Variants in SSR3 observed in about 807,000 individuals in gnomAD.
SSR3 encodes translocon-associated protein subunit gamma.
Under a neutral mutation model 22.1 loss-of-function variants are expected in SSR3, and 10 were observed. The ratio of observed to expected loss-of-function variants is 0.45; its 90% confidence interval spans 0.28 to 0.77. The LOEUF (loss-of-function observed/expected upper bound fraction) is 0.77. Among genes scored for constraint, SSR3 ranks in the 30% least tolerant of loss-of-function variants. The probability of loss-of-function intolerance (pLI) is 0.13; values close to 1 mark genes in which losing one functional copy is unlikely to be tolerated. For missense variants in SSR3, 181 were observed against 220.5 expected (o/e 0.82, Z 1.13); for synonymous variants, 104 against 82.5 (o/e 1.26, Z -1.42).
In SSR3 at chr3:156,543,052, A is replaced by G; in HGVS notation, c.*151T>C. 1.9e-6 allele frequency: 1 copy of G among 515,382 alleles called. No individual in the cohort carries two copies. Among genetic ancestry groups the G allele is most frequent in the African/African-American group, 1.9e-5 (1 of 52,680 alleles). 31.9% of individuals were successfully genotyped at this position (515,382 alleles called of 1,614,324 possible). On this transcript the variant is annotated 3_prime_UTR_variant, in exon 5 of 5. Coordinates refer to ENST00000265044, the MANE Select transcript of SSR3 (RefSeq NM_007107.5). ...TCAACAATCTGTCAAAAAACAGCCA[A>G]TAAACAAATACTGAATTACATTCTG...
chr3:156,551,277 G>A (rs562256859), intron 2 of SSR3: 1 of 151,852 alleles, frequency 6.6e-6, no homozygotes, highest in African/African-American at 2.4e-5. Context: ...GAAAGGAAAA[G>A]GTAAAAAGAA....
chr3:156,543,909 T>TA (rs1294866493), intron 4 of SSR3: 4 of 195,734 alleles, frequency 2.0e-5, no homozygotes, highest in Admixed American at 6.0e-5. Flanking sequence ...GAAACACTAT[T>TA]AAGATACACT....
rs1430288662 is a variant in SSR3 at position 156,553,040 on chromosome 3, T to A, written c.260+615A>T. Among the ~76,000 whole-genome samples, 213 of 136,564 alleles carry A rather than the reference T, an allele frequency of 1.6e-3. 2 individuals carry two copies. In the Middle Eastern group the frequency reaches 0.022, roughly 14 times the overall value. The allele number at this position is 136,564 out of a possible 152,430, so 89.6% of individuals were successfully genotyped here. ...ATTAGCATTGAAAATGACAGAGAGT[T>A]AAAAAAAAAAAAAAGCAATAAAATA... On this transcript the variant is annotated intron_variant, in intron 2 of 4. Transcript: ENST00000265044.
chr3:156,548,570 A>G (rs1164191586), intron 3 of SSR3, among the ~76,000 whole-genome samples: 1 of 152,226 alleles, frequency 6.6e-6, no homozygotes, highest in East Asian at 1.9e-4. Context: ...CTGTGTTCTT[A>G]TCATGGATCT....
At position 156,541,417 on chromosome 3, in the gene SSR3, GTTTT is replaced by G. The variant is rs1182629116; in HGVS notation, c.*1782_*1785del. 1.3e-5 allele frequency: 2 copies of G among 151,898 alleles called. No individual in the cohort carries two copies. Among genetic ancestry groups the G allele is most frequent in the South Asian group, 2.1e-4 (1 of 4,804 alleles). 9.4% of individuals were successfully genotyped at this position (151,898 alleles called of 1,614,324 possible). ...ACCAACAGTAAAGAAAACTTTTTGG[GTTTT>G]TTTGTTTCTTTTTTGAGATGGAGTC... On this transcript the variant is annotated 3_prime_UTR_variant, in exon 5 of 5. Transcript: ENST00000265044.
chr3:156,553,783 T>C lies in SSR3; in HGVS notation c.134-2A>G. The C allele has an allele frequency of 6.3e-7, 1 of 1,585,344 alleles. No individual in the cohort carries two copies. Among genetic ancestry groups the C allele is most frequent in the Non-Finnish European group, 8.6e-7 (1 of 1,168,290 alleles). ...TATGCCATATTCGCCAGTATAACCC[T>C]GAATTAAAATAAAAGGGGGAAGGGT... On this transcript the variant is annotated splice_acceptor_variant, in intron 1 of 4. Transcript: ENST00000265044. LOFTEE classifies it high-confidence loss of function.
intron 4 of SSR3, 87 bp from the exon 5 acceptor site, chr3:156,543,356 T>C: frequency 2.1e-6 from 2 of 956,020 alleles, no homozygotes; most frequent in Non-Finnish European, 3.3e-6. Context: ...TGGAATGTAC[T>C]GCTTCCTTCC....
At chr3:156,547,580 G>A (rs1002225087) in intron 3 of SSR3, among the ~76,000 whole-genome samples, 3 of 152,112 alleles carry the variant, frequency 2.0e-5, no homozygotes, top group Admixed American at 6.5e-5. Context: ...TATGCAGCCC[G>A]ACCTCATTAA....
In SSR3 at chr3:156,539,887, C is replaced by T. The variant is rs1406043623; in HGVS notation, c.*3316G>A. ...TGATGTCTGCCCTTTACTGTAACTG[C>T]TCAATGCCTTTCATTGCCTCACATA... On this transcript the variant is annotated 3_prime_UTR_variant, in exon 5 of 5. Transcript: ENST00000265044. Among the ~76,000 whole-genome samples, 1 of 152,186 alleles carries T rather than the reference C, an allele frequency of 6.6e-6. No individual in the cohort carries two copies. The highest frequency in any genetic ancestry group is 1.5e-5 in the Non-Finnish European group (1 of 68,038).
In SSR3 at chr3:156,553,640, G is replaced by C. The variant is rs1194645869; in HGVS notation, c.260+15C>G. 3.1e-6 allele frequency: 5 copies of C among 1,607,842 alleles called. No individual in the cohort carries two copies. The highest frequency in any genetic ancestry group is 4.2e-6 in the Non-Finnish European group (5 of 1,178,666). On this transcript the variant is annotated intron_variant, in intron 2 of 4. Coordinates refer to ENST00000265044, the MANE Select transcript of SSR3 (RefSeq NM_007107.5). The stretch of plus-strand genomic sequence containing the variant: ...TAACATGTAGTACGTACTTTCACTT[G>C]AAAAACATACTTACTTGTGCTTGAG...
intron 3 of SSR3, among the ~76,000 whole-genome samples, chr3:156,547,441 AG>A (rs1307555587): frequency 6.6e-6 from 1 of 152,248 alleles, no homozygotes; most frequent in Non-Finnish European, 1.5e-5. Context: ...TTTGAAATTT[AG>A]GTAACTATGC....
intron 3 of SSR3, 29 bp downstream of exon 3, chr3:156,548,875 TG>T: frequency 6.2e-7 from 1 of 1,605,032 alleles, no homozygotes; most frequent in Non-Finnish European, 8.5e-7. Flanking sequence ...CCCCCTTTTA[TG>T]ATGGCCATAC....
rs1422831951 is a variant in SSR3, at chr3:156,541,759, A to G, written c.*1444T>C. On this transcript the variant is annotated 3_prime_UTR_variant, in exon 5 of 5. Coordinates refer to ENST00000265044, the MANE Select transcript of SSR3 (RefSeq NM_007107.5). ...ACCTAGATAATAATGCACCAAAGAA[A>G]AGTAAAGAATTGCAGACTTCTAGAA... 2 of 152,144 alleles carry G rather than the reference A, an allele frequency of 1.3e-5. No homozygotes were observed. The highest frequency in any genetic ancestry group is 2.9e-5 in the Non-Finnish European group (2 of 68,024). 9.4% of individuals were successfully genotyped at this position (152,144 alleles called of 1,614,324 possible).
intron 3 of SSR3, among the ~76,000 whole-genome samples, chr3:156,548,136 T>C (rs113658219): frequency 6.6e-6 from 1 of 152,204 alleles, no homozygotes; most frequent in South Asian, 2.1e-4. Context: ...AAAAGATCCA[T>C]GAAAACCAGC....
At position 156,539,970 on chromosome 3, in the gene SSR3, G is replaced by C. The variant is rs373708591; in HGVS notation, c.*3233C>G. Among the ~76,000 whole-genome samples the C allele has an allele frequency of 6.6e-6, 1 of 151,968 alleles. No homozygotes were observed. The highest frequency in any genetic ancestry group is 2.4e-5 in the African/African-American group (1 of 41,342). The stretch of plus-strand genomic sequence containing the variant: ...ACATGTGTGAGATATTAAAATGATG[G>C]TTACATGTATACATATGTACCAAAC... On this transcript the variant is annotated 3_prime_UTR_variant, in exon 5 of 5. Transcript: ENST00000265044.
intron 1 of SSR3, 28 bp from the exon 2 acceptor site, chr3:156,553,809 AC>A: frequency 6.4e-7 from 1 of 1,574,376 alleles, no homozygotes; most frequent in Non-Finnish European, 8.6e-7. Flanking sequence ...GGGGAAGGGT[AC>A]AAAAAGAAGC....
rs563349491 is a variant in SSR3 at position 156,540,112 on chromosome 3, A to G, written c.*3091T>C. On this transcript the variant is annotated 3_prime_UTR_variant, in exon 5 of 5. Transcript: ENST00000265044. The stretch of plus-strand genomic sequence containing the variant: ...TAAAGATTACGTACTTCATCATAGG[A>G]TTCTTATAAAGAAGTGTAGGGAAAA... 2.8e-4 allele frequency: 42 copies of G among 152,368 alleles called. No homozygotes were observed. The highest frequency in any genetic ancestry group is 3.4e-3 in the Middle Eastern group (1 of 294). 9.4% of individuals were successfully genotyped at this position (152,368 alleles called of 1,614,324 possible). A position where few individuals can be genotyped will look rare whatever the true frequency, so the allele number is the denominator to read the frequency against.
intron 2 of SSR3, among the ~76,000 whole-genome samples, chr3:156,553,195 C>G (rs529104467): frequency 6.6e-6 from 1 of 152,262 alleles, no homozygotes; most frequent in African/African-American, 2.4e-5. Context: ...AAGGTTGAGG[C>G]TGCAGTGAAC....
At chr3:156,551,745 A>G (rs896282540) in intron 2 of SSR3, among the ~76,000 whole-genome samples, 3 of 152,244 alleles carry the variant, frequency 2.0e-5, no homozygotes, top group Non-Finnish European at 4.4e-5. Flanking sequence ...CACAGGGACA[A>G]TAAAGCAAAG....
Sources: gnomAD v4.1 joint callset for allele counts (sites outside exome capture counted in the v4.1 genomes callset) on GRCh38, gnomAD v4.1.1 for gene constraint, MANE v1.5 for transcripts, NCBI Gene and HGNC (gene_info 2026-07-23, HGNC 2026-07-21) for gene names.